Variants in ULK4 observed in about 807,000 individuals in gnomAD.
ULK4 encodes the protein inactive serine/threonine-protein kinase ULK4.
In ULK4, 133 loss-of-function variants were observed where a neutral mutation model predicts 160.6. That is an observed-to-expected ratio of 0.83 (90% CI 0.72 to 0.96). The LOEUF (loss-of-function observed/expected upper bound fraction) is 0.96, where lower values mean the gene tolerates loss of function less well. ULK4 is among the 40% of genes least tolerant of loss of function. ULK4 has a pLI of 0.00. For synonymous variants in ULK4, 534 were observed against 539.8 expected, an observed-to-expected ratio of 0.99 and a Z score of 0.15; for missense variants, 1,580 against 1,499.5, an observed-to-expected ratio of 1.05 and a Z score of -0.89.
At position 41,739,818 on chromosome 3, in the gene ULK4, G is replaced by C. The variant is rs191413711; in HGVS notation, c.2321+14543C>G. On this transcript the variant is annotated intron_variant, in intron 22 of 36. Coordinates refer to ENST00000301831, the MANE Select transcript of ULK4 (RefSeq NM_017886.4). ...AGTGGCAAAGATGAAGGCTCTGCAA[G>C]GGCTCAGCAAAAGGAATGTTCCTCA... 2.0e-5 allele frequency among the ~76,000 whole-genome samples: 3 copies of C among 151,956 alleles called. No individual in the cohort carries two copies. In the East Asian group the frequency reaches 5.8e-4, roughly 29 times the overall value.
At chr3:41,643,090 A>G (rs1267393869) in intron 30 of ULK4, among the ~76,000 whole-genome samples, 1 of 152,120 alleles carries the variant, frequency 6.6e-6, no homozygotes, top group African/African-American at 2.4e-5. Context: ...TCTGGATATT[A>G]GCCCTTTGTC....
At chr3:41,638,197 G>A (rs1329511645) in intron 30 of ULK4, among the ~76,000 whole-genome samples, 1 of 152,098 alleles carries the variant, frequency 6.6e-6, no homozygotes, top group Non-Finnish European at 1.5e-5. Flanking sequence ...TTTTTTAAAA[G>A]TATGTTGTTA....
chr3:41,560,674 T>G (rs2087527200), intron 32 of ULK4, among the ~76,000 whole-genome samples: 1 of 152,204 alleles, frequency 6.6e-6, no homozygotes, highest in Admixed American at 6.5e-5. Flanking sequence ...TGTCTGTTAT[T>G]GGTGTATAGG....
chr3:41,525,716 T>C (rs940251214), intron 32 of ULK4, among the ~76,000 whole-genome samples: 4 of 152,276 alleles, frequency 2.6e-5, no homozygotes, highest in Non-Finnish European at 2.9e-5. Context: ...TTTCCTAGCA[T>C]ACAATGTGCC....
intron 22 of ULK4, among the ~76,000 whole-genome samples, chr3:41,744,549 C>G (rs549451705): frequency 2.6e-5 from 4 of 151,528 alleles, no homozygotes; most frequent in Non-Finnish European, 4.4e-5. Flanking sequence ...AAATACAGAG[C>G]AAAATTTGTT....
intron 35 of ULK4, among the ~76,000 whole-genome samples, chr3:41,369,978 C>A (rs2081330100): frequency 6.6e-6 from 1 of 152,020 alleles, no homozygotes; most frequent in South Asian, 2.1e-4. Flanking sequence ...ATTACATTTT[C>A]ATCAGAGACT....
At chr3:41,372,261 C>A (rs1575480150) in intron 35 of ULK4, among the ~76,000 whole-genome samples, 1 of 152,220 alleles carries the variant, frequency 6.6e-6, no homozygotes, top group East Asian at 1.9e-4. Context: ...CCTAGCAAGA[C>A]AGGACAACAT....
intron 35 of ULK4, among the ~76,000 whole-genome samples, chr3:41,353,704 ACTACTACTACTACTACT>A (rs2080966794): frequency 1.4e-4 from 7 of 50,018 alleles, no homozygotes; most frequent in African/African-American, 5.3e-4. Flanking sequence ...TACAATTACT[ACTACTACTACTACTACT>A]ACTACTACTA....
chr3:41,883,368 G>C (rs1209185571), intron 17 of ULK4, among the ~76,000 whole-genome samples: 1 of 152,124 alleles, frequency 6.6e-6, no homozygotes, highest in Non-Finnish European at 1.5e-5. Context: ...TCCCCTAAAA[G>C]CCTTGGTTCT....
intron 34 of ULK4, among the ~76,000 whole-genome samples, chr3:41,403,924 T>G (rs1174960573): frequency 6.6e-6 from 1 of 152,182 alleles, no homozygotes; most frequent in African/African-American, 2.4e-5. Flanking sequence ...ATTTCTAGTT[T>G]GATTCTATTG....
chr3:41,855,686 A>G (rs902477434), intron 17 of ULK4, among the ~76,000 whole-genome samples: 6 of 152,216 alleles, frequency 3.9e-5, no homozygotes, highest in Non-Finnish European at 7.3e-5. Context: ...AATAGTAGAA[A>G]TACAAAGGAA....
At chr3:41,314,010 G>C (rs1358580268) in intron 35 of ULK4, among the ~76,000 whole-genome samples, 1 of 152,112 alleles carries the variant, frequency 6.6e-6, no homozygotes, top group Non-Finnish European at 1.5e-5. Flanking sequence ...GTTCCAGCTT[G>C]GGCAAGCAAG....
chr3:41,798,370 T>C (rs2040361639), intron 20 of ULK4, among the ~76,000 whole-genome samples: 1 of 152,210 alleles, frequency 6.6e-6, no homozygotes, highest in Non-Finnish European at 1.5e-5. Context: ...TTCTGATTGT[T>C]TACCTGTAAT....
At chr3:41,830,369 A>G (rs2041535970) in intron 18 of ULK4, among the ~76,000 whole-genome samples, 1 of 152,054 alleles carries the variant, frequency 6.6e-6, no homozygotes, top group African/African-American at 2.4e-5. Context: ...ATGATTCTGT[A>G]TGATTCTATC....
chr3:41,740,717 T>A (rs2038213771), intron 22 of ULK4, among the ~76,000 whole-genome samples: 1 of 151,998 alleles, frequency 6.6e-6, no homozygotes, highest in Admixed American at 6.6e-5. Context: ...GCTACCGATA[T>A]GAGGCTTCCA....
intron 32 of ULK4, among the ~76,000 whole-genome samples, chr3:41,563,273 C>G (rs2087665928): frequency 1.3e-5 from 2 of 152,332 alleles, no homozygotes; most frequent in African/African-American, 2.4e-5. Context: ...CGACCTTTCT[C>G]TCTGGCTGCC....
chr3:41,812,067 C>T (rs2040834474), intron 19 of ULK4, among the ~76,000 whole-genome samples: 1 of 152,158 alleles, frequency 6.6e-6, no homozygotes, highest in Non-Finnish European at 1.5e-5. Flanking sequence ...AGGAGGATCA[C>T]TTAAGCCAGT....
chr3:41,451,731 A>T (rs1261288143), intron 34 of ULK4, among the ~76,000 whole-genome samples: 2 of 152,186 alleles, frequency 1.3e-5, no homozygotes, highest in Non-Finnish European at 2.9e-5. Context: ...AACTATTGGT[A>T]GTACAGACTA....
intron 31 of ULK4, among the ~76,000 whole-genome samples, chr3:41,583,285 CTAAAT>C (rs1026660863): frequency 3.9e-5 from 6 of 152,090 alleles, no homozygotes; most frequent in Non-Finnish European, 7.4e-5. Flanking sequence ...CCCATTTTTA[CTAAAT>C]TATTTTATTA....
Sources: gnomAD v4.1 joint callset for allele counts (sites outside exome capture counted in the v4.1 genomes callset) on GRCh38, gnomAD v4.1.1 for gene constraint, MANE v1.5 for transcripts, NCBI Gene and HGNC (gene_info 2026-07-23, HGNC 2026-07-21) for gene names.